MYOM1: variants seen among roughly 807,000 people sequenced by gnomAD.
MYOM1 encodes the protein myomesin 1.
MYOM1 carries 164 observed loss-of-function variants against 205.3 expected under a neutral mutation model. The observed-to-expected ratio is 0.80, with a 90% CI of 0.70 to 0.91. The LOEUF (loss-of-function observed/expected upper bound fraction) is 0.91. Among genes scored for constraint, MYOM1 ranks in the 40% least tolerant of loss-of-function variants. MYOM1 has a pLI of 0.00. For synonymous variants in MYOM1, 772 were observed against 789.4 expected (o/e 0.98, Z 0.37); for missense variants, 2,011 against 2,127.3 (o/e 0.95, Z 1.08).
chr18:3,183,422 T>C (rs1419571068), intron 5 of MYOM1, among the ~76,000 whole-genome samples: 1 of 152,166 alleles, frequency 6.6e-6, no homozygotes, highest in East Asian at 1.9e-4. Context: ...GTGGGATTGG[T>C]TGGAGAGCGG....
At chr18:3,114,353 G>A (rs1201283795) in intron 21 of MYOM1, among the ~76,000 whole-genome samples, 2 of 150,502 alleles carry the variant, frequency 1.3e-5, no homozygotes, top group East Asian at 3.9e-4. Flanking sequence ...ATACGTAATC[G>A]AGATCATCGA....
At chr18:3,247,335 G>C in the MYOM1 span, 1 of 152,348 alleles carries the variant, frequency 6.6e-6, no homozygotes, top group African/African-American at 2.4e-5. Context: ...GCCCTCAGGC[G>C]GAGACCCAGA....
intron 19 of MYOM1, among the ~76,000 whole-genome samples, chr18:3,125,689 C>T (rs901678189): frequency 2.8e-4 from 43 of 152,180 alleles, no homozygotes; most frequent in African/African-American, 9.7e-4. Flanking sequence ...TGGCCTCACC[C>T]TGCTCTGAAC....
chr18:3,232,105 G>T, the MYOM1 span, among the ~76,000 whole-genome samples: 1 of 151,536 alleles, frequency 6.6e-6, no homozygotes, highest in African/African-American at 2.4e-5. Flanking sequence ...TGAGGCTGGC[G>T]GATCACCTAA....
chr18:3,242,135 G>A, the MYOM1 span, among the ~76,000 whole-genome samples: 1 of 152,134 alleles, frequency 6.6e-6, no homozygotes, highest in Non-Finnish European at 1.5e-5. Context: ...AACACTTTGG[G>A]GGGCTGCTGG....
At chr18:3,155,362 C>G (rs1051883336) in intron 10 of MYOM1, among the ~76,000 whole-genome samples, 3 of 152,196 alleles carry the variant, frequency 2.0e-5, no homozygotes, top group Admixed American at 6.5e-5. Context: ...GCTGGGACTA[C>G]AGGCACCCGC....
At chr18:3,168,681 C>G in intron 9 of MYOM1, 136 bp downstream of exon 9, 2 of 765,324 alleles carry the variant, frequency 2.6e-6, no homozygotes, top group Non-Finnish European at 4.1e-6. Context: ...CTTTGCTACA[C>G]ATGTGAAAAC....
At chr18:3,164,001 T>C (rs1473312610) in intron 10 of MYOM1, among the ~76,000 whole-genome samples, 3 of 145,544 alleles carry the variant, frequency 2.1e-5, no homozygotes, top group Non-Finnish European at 4.5e-5. Flanking sequence ...CACAGGTGCA[T>C]GCCGCCATGC....
chr18:3,236,842 G>C, the MYOM1 span, among the ~76,000 whole-genome samples: 1 of 152,134 alleles, frequency 6.6e-6, no homozygotes, highest in Admixed American at 6.5e-5. Context: ...CTGAATCCTA[G>C]GCTACTCCAT....
chr18:3,194,927 T>C (rs1024581626), intron 2 of MYOM1, among the ~76,000 whole-genome samples: 2 of 148,898 alleles, frequency 1.3e-5, no homozygotes, highest in African/African-American at 5.1e-5. Flanking sequence ...AAAAAGTTAA[T>C]GTATTTTTTA....
At chr18:3,098,250 T>A (rs2079331047) in intron 25 of MYOM1, among the ~76,000 whole-genome samples, 2 of 152,166 alleles carry the variant, frequency 1.3e-5, no homozygotes, top group South Asian at 4.1e-4. Context: ...ATTTATTATC[T>A]CTTACAGCAT....
intron 5 of MYOM1, among the ~76,000 whole-genome samples, chr18:3,182,263 T>C (rs766043023): frequency 1.3e-4 from 20 of 151,498 alleles, no homozygotes; most frequent in Non-Finnish European, 2.1e-4. Context: ...TGAATCCTGC[T>C]CTTTAAAAAG....
chr18:3,142,140 C>A, intron 13 of MYOM1, 77 bp from the exon 14 acceptor site: 1 of 1,531,264 alleles, frequency 6.5e-7, no homozygotes, highest in Admixed American at 1.9e-5. Context: ...AGACGCTGCT[C>A]TCCTCCTGAG....
At chr18:3,161,904 G>A (rs912656484) in intron 10 of MYOM1, among the ~76,000 whole-genome samples, 2 of 152,008 alleles carry the variant, frequency 1.3e-5, no homozygotes, top group South Asian at 2.1e-4. Flanking sequence ...TTGACAAGCC[G>A]GTAAAGCCTA....
At chr18:3,203,980 C>T (rs1348203766) in intron 2 of MYOM1, among the ~76,000 whole-genome samples, 1 of 151,818 alleles carries the variant, frequency 6.6e-6, no homozygotes, top group Admixed American at 6.6e-5. Context: ...TGTAATATAC[C>T]ATATTAATAG....
intron 13 of MYOM1, among the ~76,000 whole-genome samples, chr18:3,147,632 A>G (rs2080149044): frequency 6.6e-6 from 1 of 152,220 alleles, no homozygotes; most frequent in Non-Finnish European, 1.5e-5. Flanking sequence ...TAATAAAGAC[A>G]GTATGGTATT....
At chr18:3,127,520 G>C (rs1348032865) in intron 18 of MYOM1, among the ~76,000 whole-genome samples, 9 of 151,612 alleles carry the variant, frequency 5.9e-5, no homozygotes, top group Admixed American at 5.3e-4. Flanking sequence ...TGTTGGCTAG[G>C]CTGGTCTCGA....
chr18:3,161,203 A>G (rs1197159697), intron 10 of MYOM1, among the ~76,000 whole-genome samples: 1 of 152,152 alleles, frequency 6.6e-6, no homozygotes, highest in Admixed American at 6.5e-5. Context: ...CTTTTTCATG[A>G]TGCCTTTGTG....
chr18:3,132,275 T>G (rs764501058), intron 16 of MYOM1, among the ~76,000 whole-genome samples: 3 of 151,736 alleles, frequency 2.0e-5, no homozygotes, highest in African/African-American at 7.3e-5. Context: ...CTCAGCCTCC[T>G]GAGTAGCTGG....
Sources: gnomAD v4.1 joint callset for allele counts (sites outside exome capture counted in the v4.1 genomes callset) on GRCh38, gnomAD v4.1.1 for gene constraint, MANE v1.5 for transcripts, NCBI Gene and HGNC (gene_info 2026-07-23, HGNC 2026-07-21) for gene names.